The following FMNL2 variants were observed in gnomAD, a reference collection of about 807,000 sequenced individuals.
FMNL2 encodes formin like 2, also known as formin-like protein 2.
FMNL2 carries 51 observed loss-of-function variants against 130.2 expected under a neutral mutation model. The observed-to-expected ratio is 0.39, with a 90% CI of 0.31 to 0.49. FMNL2 has a LOEUF of 0.49. Ranked by LOEUF, FMNL2 falls within the 20% of genes least tolerant of loss-of-function variation. The pLI is 0.85. For synonymous variants in FMNL2, 465 were observed against 467.1 expected, an observed-to-expected ratio of 1.00 and a Z score of 0.06; for missense variants, 977 against 1,316.2, an observed-to-expected ratio of 0.74 and a Z score of 3.99.
At chr2:152,348,188 C>CT (rs543546010) in intron 1 of FMNL2, among the ~76,000 whole-genome samples, 233 of 152,330 alleles carry the variant, frequency 1.5e-3, no homozygotes, top group Middle Eastern at 6.8e-3. Flanking sequence ...TGAATTATCT[C>CT]TTACTCATGA....
intron 1 of FMNL2, among the ~76,000 whole-genome samples, chr2:152,502,102 G>A (rs1488384748): frequency 6.6e-6 from 1 of 152,102 alleles, no homozygotes; most frequent in Admixed American, 6.5e-5. Context: ...TCTTCTTGTG[G>A]AAAACACTTG....
At chr2:152,348,133 G>A (rs1245439699) in intron 1 of FMNL2, among the ~76,000 whole-genome samples, 2 of 152,108 alleles carry the variant, frequency 1.3e-5, no homozygotes, top group African/African-American at 4.8e-5. Flanking sequence ...TCAGCATGGG[G>A]GTGATGAGAA....
chr2:152,619,189 G>A (rs769226876), intron 14 of FMNL2, 31 bp downstream of exon 14: 2 of 1,521,356 alleles, frequency 1.3e-6, no homozygotes, highest in Non-Finnish European at 1.8e-6. Context: ...GACTGAGGAA[G>A]TTTTGGAATA....
chr2:152,393,414 T>C (rs1685225651), intron 1 of FMNL2, among the ~76,000 whole-genome samples: 1 of 152,240 alleles, frequency 6.6e-6, no homozygotes, highest in Admixed American at 6.5e-5. Context: ...TGAGATTATG[T>C]CCATAGGATA....
chr2:152,515,027 A>C (rs1477434581), intron 1 of FMNL2, among the ~76,000 whole-genome samples: 2 of 152,136 alleles, frequency 1.3e-5, no homozygotes, highest in Non-Finnish European at 2.9e-5. Flanking sequence ...TTTAGTATAA[A>C]TAACTTAGCT....
chr2:152,626,767 A>C (rs9989874), intron 17 of FMNL2, 40 bp downstream of exon 17: 423,546 of 1,523,710 alleles, frequency 0.28, 62,567 homozygotes, highest in Non-Finnish European at 0.31. Flanking sequence ...GTTTATGATA[A>C]AATGAAAATG....
intron 6 of FMNL2, among the ~76,000 whole-genome samples, chr2:152,561,728 C>G (rs1025073260): frequency 6.6e-6 from 1 of 152,106 alleles, no homozygotes; most frequent in Non-Finnish European, 1.5e-5. Context: ...CACCTGCCAC[C>G]ATGCCCAGCT....
intron 10 of FMNL2, among the ~76,000 whole-genome samples, chr2:152,608,633 T>A (rs1295426748): frequency 2.0e-5 from 3 of 151,542 alleles, no homozygotes; most frequent in Non-Finnish European, 4.4e-5. Context: ...ACACTGACTT[T>A]TAAAATCTTG....
intron 1 of FMNL2, among the ~76,000 whole-genome samples, chr2:152,412,446 T>TTTTA (rs1269957835): frequency 1.5e-4 from 15 of 103,220 alleles, no homozygotes; most frequent in Non-Finnish European, 2.2e-4. Context: ...TCTGTATATT[T>TTTTA]TATATATATA....
rs1473841296 is a variant in FMNL2 at position 152,443,304 on chromosome 2, T to G, written c.118-78639T>G. Among the ~76,000 whole-genome samples, 19 of 152,096 alleles carry G rather than the reference T, an allele frequency of 1.2e-4. 1 individual carries two copies. Among genetic ancestry groups the G allele is most frequent in the Admixed American group, 1.2e-3 (19 of 15,266 alleles). ...CTGCAAGTCTGTCGGTGCACTAGCC[T>G]TCACTTCAGTGGGGAGAGGCTTCTA... On this transcript the variant is annotated intron_variant, in intron 1 of 25. Transcript: ENST00000288670.
intron 1 of FMNL2, among the ~76,000 whole-genome samples, chr2:152,452,537 TCC>T (rs35563737): frequency 3.9e-5 from 6 of 152,138 alleles, no homozygotes; most frequent in Non-Finnish European, 8.8e-5. Context: ...TTTGCACTCC[TCC>T]CCCCCCTAGT....
Position 152,607,747 on chromosome 2 carries a change from G to T in FMNL2, c.951+334G>T, listed in dbSNP as rs1866116. 1,003 of 180,898 alleles carry T rather than the reference G, an allele frequency of 5.5e-3. 6 individuals are homozygous for T. Among genetic ancestry groups the T allele is most frequent in the African/African-American group, 0.022 (959 of 42,756 alleles). The allele number at this position is 180,898 out of a possible 1,614,324, so 11.2% of individuals were successfully genotyped here. A position where few individuals can be genotyped will look rare whatever the true frequency, so the allele number is the denominator to read the frequency against. On this transcript the variant is annotated intron_variant, in intron 10 of 25. Transcript: ENST00000288670. ...ATGATGCTGCATAAGAATCCTTAAG[G>T]TAGAAGCAATCTTGACCTTTTTTAT... is the stretch of plus-strand genomic sequence containing the variant.
At chr2:152,615,954 C>T (rs765407039) in intron 12 of FMNL2, among the ~76,000 whole-genome samples, 9 of 152,214 alleles carry the variant, frequency 5.9e-5, no homozygotes, top group Non-Finnish European at 2.9e-5. Context: ...CAAAAACCCT[C>T]CCTTTAAAAG....
At chr2:152,598,993 G>C (rs965261667) in intron 9 of FMNL2, among the ~76,000 whole-genome samples, 3 of 152,212 alleles carry the variant, frequency 2.0e-5, no homozygotes, top group African/African-American at 2.4e-5. Flanking sequence ...GAAGGCCTGA[G>C]AACCAAGAGC....
intron 9 of FMNL2, among the ~76,000 whole-genome samples, chr2:152,587,229 C>T (rs1450486744): frequency 1.3e-5 from 2 of 152,302 alleles, no homozygotes; most frequent in Admixed American, 6.5e-5. Flanking sequence ...GTGTAGTGGT[C>T]ACTTCTGCCA....
chr2:152,493,407 G>C (rs998538980), intron 1 of FMNL2, among the ~76,000 whole-genome samples: 1 of 152,178 alleles, frequency 6.6e-6, no homozygotes, highest in Non-Finnish European at 1.5e-5. Flanking sequence ...TGGTACTATG[G>C]AAGGGCACAA....
intron 1 of FMNL2, among the ~76,000 whole-genome samples, chr2:152,509,692 G>A (rs1692382802): frequency 6.8e-6 from 1 of 146,470 alleles, no homozygotes. Flanking sequence ...AGGCAGGTCA[G>A]GTCCAGGCCT....
chr2:152,634,370 T>C (rs1012658615), intron 21 of FMNL2, among the ~76,000 whole-genome samples: 30 of 152,130 alleles, frequency 2.0e-4, no homozygotes. Context: ...GAGGCAGAGG[T>C]TGCAGTGAGC....
At chr2:152,356,235 G>C (rs1337360119) in intron 1 of FMNL2, among the ~76,000 whole-genome samples, 1 of 152,150 alleles carries the variant, frequency 6.6e-6, no homozygotes, top group Non-Finnish European at 1.5e-5. Context: ...AAGCAATTCT[G>C]TCTCAGCCTT....
Sources: gnomAD v4.1 joint callset for allele counts (sites outside exome capture counted in the v4.1 genomes callset) on GRCh38, gnomAD v4.1.1 for gene constraint, MANE v1.5 for transcripts, NCBI Gene and HGNC (gene_info 2026-07-23, HGNC 2026-07-21) for gene names.